The following MAPRE3 variants were observed in gnomAD, a reference collection of about 807,000 sequenced individuals.
MAPRE3 encodes microtubule-associated protein RP/EB family member 3.
MAPRE3 carries 2 observed loss-of-function variants against 30.5 expected under a neutral mutation model. That is an observed-to-expected ratio of 0.07 (90% confidence interval 0.03 to 0.21). The LOEUF is 0.21. Ranked by LOEUF, MAPRE3 falls within the 10% of genes least tolerant of loss-of-function variation. The probability of loss-of-function intolerance (pLI) is 1.00; values close to 1 mark genes in which losing one functional copy is unlikely to be tolerated. For synonymous variants in MAPRE3, 110 were observed against 127.7 expected, an observed-to-expected ratio of 0.86 and a Z score of 0.93; for missense variants, 204 against 351.8, an observed-to-expected ratio of 0.58 and a Z score of 3.36.
chr2:27,022,502 A>G (rs1472227140), intron 2 of MAPRE3, 163 bp downstream of exon 2: 7 of 912,900 alleles, frequency 7.7e-6, no homozygotes, highest in Non-Finnish European at 1.1e-5. Context: ...TGTGAACATC[A>G]CAGAGTGTAT....
intron 1 of MAPRE3, among the ~76,000 whole-genome samples, chr2:27,018,752 T>C (rs555739144): frequency 6.6e-6 from 1 of 152,258 alleles, no homozygotes; most frequent in East Asian, 1.9e-4. Flanking sequence ...AACACTCCCC[T>C]GACTCCAGTC....
intron 1 of MAPRE3, among the ~76,000 whole-genome samples, chr2:26,974,829 C>A (rs1185989320): frequency 1.3e-5 from 2 of 152,162 alleles, no homozygotes; most frequent in African/African-American, 4.8e-5. Flanking sequence ...GTGCTTGCTT[C>A]ATAAGAAATA....
intron 1 of MAPRE3, among the ~76,000 whole-genome samples, chr2:26,982,017 G>A (rs1364961559): frequency 6.6e-6 from 1 of 152,118 alleles, no homozygotes; most frequent in Non-Finnish European, 1.5e-5. Context: ...TGGAGCTTGG[G>A]TTCTACTCAT....
intron 1 of MAPRE3, among the ~76,000 whole-genome samples, chr2:26,972,171 C>A (rs757812477): frequency 6.6e-6 from 1 of 152,044 alleles, no homozygotes; most frequent in Non-Finnish European, 1.5e-5. Flanking sequence ...TTAGAAAGCA[C>A]GTGTAAATAT....
chr2:27,023,918 C>A, intron 3 of MAPRE3, 178 bp from the exon 4 acceptor site: 1 of 593,842 alleles, frequency 1.7e-6, no homozygotes, highest in Non-Finnish European at 3.0e-6. Flanking sequence ...CTGGATCTGA[C>A]ACTAGGGCCT....
chr2:26,972,121 C>G (rs1366176723), intron 1 of MAPRE3, among the ~76,000 whole-genome samples: 1 of 152,166 alleles, frequency 6.6e-6, no homozygotes, highest in East Asian at 1.9e-4. Context: ...ACCTCATTGT[C>G]AGCTTCTTTT....
At chr2:26,991,097 CA>C (rs1267043683) in intron 1 of MAPRE3, among the ~76,000 whole-genome samples, 7 of 152,088 alleles carry the variant, frequency 4.6e-5, no homozygotes, top group South Asian at 2.1e-4. Context: ...ACTAAAAATA[CA>C]AAAAAATTAG....
intron 1 of MAPRE3, among the ~76,000 whole-genome samples, chr2:26,988,452 A>AT (rs1666263905): frequency 1.3e-5 from 2 of 152,120 alleles, no homozygotes; most frequent in Admixed American, 1.3e-4. Flanking sequence ...TTTTCAGCAA[A>AT]TTTTTTTATA....
At chr2:26,983,652 G>A (rs1327777305) in intron 1 of MAPRE3, among the ~76,000 whole-genome samples, 1 of 152,140 alleles carries the variant, frequency 6.6e-6, no homozygotes, top group African/African-American at 2.4e-5. Context: ...CCAGTATCTA[G>A]CTGTTCTGTG....
At chr2:27,020,573 A>G (rs1342585246) in intron 1 of MAPRE3, among the ~76,000 whole-genome samples, 1 of 152,214 alleles carries the variant, frequency 6.6e-6, no homozygotes, top group African/African-American at 2.4e-5. Flanking sequence ...CTCCACTCCA[A>G]CTGCTGGTTT....
intron 1 of MAPRE3, among the ~76,000 whole-genome samples, chr2:26,973,846 C>T (rs189042354): frequency 2.0e-5 from 3 of 152,306 alleles, no homozygotes; most frequent in Admixed American, 2.0e-4. Context: ...TGAGCCACCG[C>T]GCCTGGCCAG....
At chr2:26,994,991 C>T (rs1305919488) in intron 1 of MAPRE3, among the ~76,000 whole-genome samples, 1 of 152,098 alleles carries the variant, frequency 6.6e-6, no homozygotes, top group Non-Finnish European at 1.5e-5. Flanking sequence ...CACAAGCCAC[C>T]ATGCCCAGCT....
rs977605444 is a variant in MAPRE3 at position 27,015,267 on chromosome 2, G to A, written c.-7-6945G>A. On this transcript the variant is annotated intron_variant, in intron 1 of 6. Coordinates refer to ENST00000233121, the MANE Select transcript of MAPRE3 (RefSeq NM_012326.4). This position sits in a 1 kb window ranked among gnomAD's most constrained non-coding sequence, Gnocchi z 4.0. ...AAATACATACTGAATGTCAGGCTCT[G>A]TGCTCAGCACTGTGTACACATGGCT... Among the ~76,000 whole-genome samples, 2 of 152,226 alleles carry A rather than the reference G, an allele frequency of 1.3e-5. No individual in the cohort carries two copies. The highest frequency in any genetic ancestry group is 4.8e-5 in the African/African-American group (2 of 41,464).
At chr2:27,006,177 G>T (rs141808926) in intron 1 of MAPRE3, among the ~76,000 whole-genome samples, 1 of 151,896 alleles carries the variant, frequency 6.6e-6, no homozygotes, top group Non-Finnish European at 1.5e-5. Flanking sequence ...GCGAGACCCC[G>T]TCTCAAAAAT....
chr2:26,984,245 T>C (rs897962318), intron 1 of MAPRE3, among the ~76,000 whole-genome samples: 1 of 152,230 alleles, frequency 6.6e-6, no homozygotes, highest in Non-Finnish European at 1.5e-5. Context: ...ACAAATATAA[T>C]TCAAAATTGC....
chr2:27,022,174 GC>G, intron 1 of MAPRE3, 37 bp from the exon 2 acceptor site: 3 of 1,605,140 alleles, frequency 1.9e-6, no homozygotes. Flanking sequence ...GCTACATGAG[GC>G]CCCAGTGCTG....
intron 1 of MAPRE3, among the ~76,000 whole-genome samples, chr2:27,009,477 A>G (rs576289992): frequency 3.3e-5 from 5 of 152,258 alleles, no homozygotes; most frequent in Non-Finnish European, 5.9e-5. Flanking sequence ...AATTGAATGC[A>G]GTTTCTAAGC....
chr2:26,996,980 G>A (rs1666476346), intron 1 of MAPRE3: 2 of 152,188 alleles, frequency 1.3e-5, no homozygotes, highest in Admixed American at 1.3e-4. Flanking sequence ...TGTGAAGTAA[G>A]CATTTAAAAT....
At position 27,026,353 on chromosome 2, in the gene MAPRE3, G is replaced by A. The variant is rs184537740; in HGVS notation, c.*5G>A. 2.2e-5 allele frequency: 35 copies of A among 1,612,352 alleles called. 1 individual carries two copies. Among genetic ancestry groups the A allele is most frequent in the Admixed American group, 1.0e-4 (6 of 59,786 alleles). On this transcript the variant is annotated 3_prime_UTR_variant, in exon 7 of 7. Coordinates refer to ENST00000233121, the MANE Select transcript of MAPRE3 (RefSeq NM_012326.4). Reference sequence around the variant, plus strand: ...GAAGACCAGGACGAGTACTGAGGGCGGCCGCAGCCCTGGCTGACTGCACAG... The same window carrying A: ...GAAGACCAGGACGAGTACTGAGGGCAGCCGCAGCCCTGGCTGACTGCACAG...
Sources: allele counts gnomAD v4.1 joint callset (sites outside exome capture counted in the v4.1 genomes callset), GRCh38; gene constraint gnomAD v4.1.1; non-coding constraint Gnocchi (gnomAD v3.1); transcripts MANE v1.5; gene names NCBI Gene and HGNC (gene_info 2026-07-23, HGNC 2026-07-21).